CDH13: variants seen among roughly 807,000 people sequenced by gnomAD.
CDH13 encodes cadherin-13.
In CDH13, 24 loss-of-function variants were observed where a neutral mutation model predicts 63.8. The ratio of observed to expected loss-of-function variants is 0.38; its 90% CI spans 0.27 to 0.53. The LOEUF is 0.53. Ranked by LOEUF, CDH13 falls within the 20% of genes least tolerant of loss-of-function variation. CDH13 has a pLI of 0.85. For synonymous variants in CDH13, 503 were observed against 355.3 expected, an observed-to-expected ratio of 1.42 and a Z score of -4.67; for missense variants, 1,049 against 903.1, an observed-to-expected ratio of 1.16 and a Z score of -2.07.
At chr16:83,138,664 T>C (rs2036401732) in intron 4 of CDH13, among the ~76,000 whole-genome samples, 1 of 152,224 alleles carries the variant, frequency 6.6e-6, no homozygotes, top group Non-Finnish European at 1.5e-5. Flanking sequence ...TGGACCTTTT[T>C]CTACGGATGA....
At chr16:83,191,371 T>C (rs2038693053) in intron 4 of CDH13, among the ~76,000 whole-genome samples, 1 of 146,580 alleles carries the variant, frequency 6.8e-6, no homozygotes, top group Admixed American at 7.1e-5. Flanking sequence ...AAAGGGAGGA[T>C]AATAGAGCCA....
intron 5 of CDH13, among the ~76,000 whole-genome samples, chr16:83,218,067 C>A (rs1433734137): frequency 6.6e-6 from 1 of 152,112 alleles, no homozygotes; most frequent in Non-Finnish European, 1.5e-5. Context: ...AGTATTTGCA[C>A]ATATCATGAG....
intron 3 of CDH13, among the ~76,000 whole-genome samples, chr16:83,102,907 C>CTTTCTTTTTTTTTCTTT (rs142106784): frequency 1.2e-5 from 1 of 80,658 alleles, no homozygotes; most frequent in African/African-American, 5.0e-5. Context: ...GCTAATTAAA[C>CTTTCTTTTTTTTTCTTT]TTTCTTTTTT....
At chr16:83,411,297 G>A (rs1247298147) in intron 6 of CDH13, among the ~76,000 whole-genome samples, 1 of 152,106 alleles carries the variant, frequency 6.6e-6, no homozygotes, top group Non-Finnish European at 1.5e-5. Flanking sequence ...ACTGAAATTA[G>A]CATCCCCCTT....
At chr16:82,933,680 G>C (rs962567373) in intron 2 of CDH13, among the ~76,000 whole-genome samples, 7 of 148,998 alleles carry the variant, frequency 4.7e-5, no homozygotes, top group Non-Finnish European at 7.4e-5. Flanking sequence ...TCAAAAGCAA[G>C]TTAGGTACTT....
intron 7 of CDH13, among the ~76,000 whole-genome samples, chr16:83,538,773 G>T (rs1020082333): frequency 2.6e-5 from 4 of 152,164 alleles, no homozygotes; most frequent in Non-Finnish European, 5.9e-5. Flanking sequence ...TGTTTTTAAA[G>T]ACATATTAAA....
chr16:83,059,472 G>A (rs938827001), intron 3 of CDH13, among the ~76,000 whole-genome samples: 1 of 152,170 alleles, frequency 6.6e-6, no homozygotes, highest in Non-Finnish European at 1.5e-5. Flanking sequence ...AGCTGCTGCT[G>A]AAATCAGAGG....
At chr16:82,755,559 T>C (rs2034582250) in intron 1 of CDH13, among the ~76,000 whole-genome samples, 6 of 152,254 alleles carry the variant, frequency 3.9e-5, no homozygotes, top group Admixed American at 3.9e-4. Flanking sequence ...ACATTGTAGC[T>C]TTCTCTCATT....
intron 5 of CDH13, among the ~76,000 whole-genome samples, chr16:83,328,662 T>C (rs75480643): frequency 0.035 from 5,240 of 151,758 alleles, 318 homozygotes; most frequent in African/African-American, 0.12. Context: ...CAGGTTCAGG[T>C]TGTAGTTTGA....
chr16:83,553,645 C>G (rs578246354), intron 7 of CDH13, among the ~76,000 whole-genome samples: 2 of 152,218 alleles, frequency 1.3e-5, no homozygotes, highest in African/African-American at 4.8e-5. Context: ...CAACCTCTGC[C>G]TCTTGGGTTC....
intron 3 of CDH13, among the ~76,000 whole-genome samples, chr16:83,033,916 A>G (rs1343090398): frequency 1.3e-5 from 2 of 151,972 alleles, no homozygotes; most frequent in Non-Finnish European, 1.5e-5. Context: ...CACAGCCCCT[A>G]ATTCACATCC....
chr16:83,251,486 C>G (rs1361575463), intron 5 of CDH13, among the ~76,000 whole-genome samples: 2 of 152,208 alleles, frequency 1.3e-5, no homozygotes, highest in African/African-American at 4.8e-5. Context: ...GATGGTCTGT[C>G]TCCAAAGCTG....
At chr16:83,425,910 G>A (rs1381118288) in intron 6 of CDH13, among the ~76,000 whole-genome samples, 2 of 151,856 alleles carry the variant, frequency 1.3e-5, no homozygotes, top group Non-Finnish European at 2.9e-5. Flanking sequence ...ATACAGCATT[G>A]AACCACCCCA....
chr16:83,674,025 C>G (rs1386224405), intron 9 of CDH13, among the ~76,000 whole-genome samples: 1 of 152,210 alleles, frequency 6.6e-6, no homozygotes, highest in African/African-American at 2.4e-5. Context: ...TGAGTTCTAT[C>G]TGTCTCTCAG....
At chr16:82,784,659 A>G (rs1014033041) in intron 1 of CDH13, among the ~76,000 whole-genome samples, 1 of 152,140 alleles carries the variant, frequency 6.6e-6, no homozygotes, top group Non-Finnish European at 1.5e-5. Flanking sequence ...TAAGGGTCAT[A>G]GGGGAAAACT....
chr16:83,366,544 T>G (rs1597842158), intron 6 of CDH13, among the ~76,000 whole-genome samples: 1 of 152,288 alleles, frequency 6.6e-6, no homozygotes, highest in East Asian at 1.9e-4. Context: ...GAAATCACAC[T>G]GACAGAACGA....
intron 7 of CDH13, among the ~76,000 whole-genome samples, chr16:83,542,091 G>A (rs941902112): frequency 1.3e-5 from 2 of 152,212 alleles, no homozygotes; most frequent in African/African-American, 4.8e-5. Context: ...TAGAAATGCA[G>A]AGCCTCAGGC....
intron 1 of CDH13, among the ~76,000 whole-genome samples, chr16:82,680,827 A>G (rs779924526): frequency 4.5e-4 from 69 of 152,344 alleles, no homozygotes; most frequent in Non-Finnish European, 4.7e-4. Context: ...ACCAGGAGAT[A>G]GAAGGCTGGT....
intron 7 of CDH13, among the ~76,000 whole-genome samples, chr16:83,513,903 A>T (rs74441603): frequency 0.047 from 7,143 of 152,190 alleles, 222 homozygotes; most frequent in South Asian, 0.11. Context: ...CATAGACAAA[A>T]ATTATAGAGA....
Sources: allele counts gnomAD v4.1 joint callset (sites outside exome capture counted in the v4.1 genomes callset), GRCh38; gene constraint gnomAD v4.1.1; transcripts MANE v1.5; gene names NCBI Gene and HGNC (gene_info 2026-07-23, HGNC 2026-07-21).